The following UHMK1 variants were observed in gnomAD, a reference collection of about 807,000 sequenced individuals.
The protein encoded by UHMK1 is serine/threonine-protein kinase Kist.
Under a neutral mutation model 44.0 loss-of-function variants are expected in UHMK1, and 18 were observed. The observed-to-expected ratio is 0.41, with a 90% CI of 0.28 to 0.61. The LOEUF is 0.61. Ranked by LOEUF, UHMK1 falls within the 20% of genes least tolerant of loss-of-function variation. UHMK1 has a pLI of 0.31. For synonymous variants in UHMK1, 231 were observed against 198.5 expected (o/e 1.16, Z -1.38); for missense variants, 463 against 522.5 (o/e 0.89, Z 1.11).
intron 2 of UHMK1, 156 bp downstream of exon 2, chr1:162,500,403 G>C (rs745793738): frequency 9.7e-6 from 8 of 828,028 alleles, no homozygotes; most frequent in Non-Finnish European, 1.5e-5. Flanking sequence ...AAGAATTTCA[G>C]TGCCACCGTG....
At position 162,498,030 on chromosome 1, in the gene UHMK1, G is replaced by T. The variant is rs1165334350; in HGVS notation, c.30G>T (p.Ala10=). 6.3e-7 allele frequency: 1 copy of T among 1,596,412 alleles called. No homozygotes were observed. Among genetic ancestry groups the T allele is most frequent in the East Asian group, 2.3e-5 (1 of 44,128 alleles). Residue 10 remains alanine (A), a synonymous_variant, in exon 1 of 8, where the codon GCG becomes GCT. Coordinates refer to ENST00000489294, the MANE Select transcript of UHMK1 (RefSeq NM_175866.5). ...CGGGATCCGGCTGCGCCTGGGGCGC[G>T]GAGCCGCCGCGTTTTCTGGAGGCCT... The part of the protein sequence containing the change: MAGSGCAWG[A]EPPRFLEAFG...
At chr1:162,517,837 A>G (rs1271283142) in intron 6 of UHMK1, among the ~76,000 whole-genome samples, 1 of 151,992 alleles carries the variant, frequency 6.6e-6, no homozygotes, top group Non-Finnish European at 1.5e-5. Context: ...GTGTCACGCC[A>G]CTGCACTCCA....
intron 1 of UHMK1, 89 bp downstream of exon 1, chr1:162,498,357 C>G (rs891754773): frequency 1.4e-6 from 2 of 1,458,306 alleles, no homozygotes; most frequent in Non-Finnish European, 1.8e-6. Context: ...ATCTTCCTCC[C>G]CTTCTGCGGG....
chr1:162,500,807 C>A, intron 2 of UHMK1, 106 bp from the exon 3 acceptor site: 2 of 1,110,582 alleles, frequency 1.8e-6, no homozygotes, highest in Non-Finnish European at 2.5e-6. Flanking sequence ...TAGCATTTAG[C>A]TTGGCAGTGG....
Position 162,518,160 on chromosome 1 carries a change from T to G in UHMK1, c.1083T>G (p.Leu361=). The G allele has an allele frequency of 6.2e-7, 1 of 1,613,266 alleles. No individual in the cohort carries two copies. Among genetic ancestry groups the G allele is most frequent in the Non-Finnish European group, 8.5e-7 (1 of 1,179,350 alleles). Residue 361 remains leucine (L), a synonymous_variant, in exon 7 of 8, where the codon CTT becomes CTG. Transcript: ENST00000489294. ...AATATGGACCAGTGGTATCTCTACT[T>G]GTTCCAAAGGAAAATCCTGGCAGAG... is the stretch of plus-strand genomic sequence containing the variant. The part of the protein sequence containing the change: ...CQKYGPVVSL[L]VPKENPGRGQ...
intron 4 of UHMK1, among the ~76,000 whole-genome samples, chr1:162,511,359 A>C (rs1358403271): frequency 6.7e-6 from 1 of 150,066 alleles, no homozygotes; most frequent in Non-Finnish European, 1.5e-5. Context: ...TAGAGAGAGG[A>C]TCTTGCCATG....
chr1:162,521,615 G>A (rs1019148111), intron 7 of UHMK1, among the ~76,000 whole-genome samples: 11 of 152,052 alleles, frequency 7.2e-5, no homozygotes, highest in Non-Finnish European at 1.0e-4. Context: ...GTGCTATCAC[G>A]CCCAGTTAGA....
At chr1:162,505,910 A>T (rs1651452067) in intron 4 of UHMK1, among the ~76,000 whole-genome samples, 1 of 152,214 alleles carries the variant, frequency 6.6e-6, no homozygotes, top group Non-Finnish European at 1.5e-5. Context: ...GGTCCCTACC[A>T]TTTACCCAGT....
chr1:162,501,562 C>T (rs1651269667), intron 3 of UHMK1, among the ~76,000 whole-genome samples: 2 of 152,318 alleles, frequency 1.3e-5, no homozygotes, highest in African/African-American at 4.8e-5. Flanking sequence ...ACTACCAACT[C>T]CTATGGCTAT....
intron 3 of UHMK1, 59 bp from the exon 4 acceptor site, chr1:162,503,695 C>T (rs1223343015): frequency 1.3e-5 from 15 of 1,183,830 alleles, no homozygotes; most frequent in Middle Eastern, 1.9e-4. Flanking sequence ...TGCTATATGC[C>T]TAGTATTCAA....
At chr1:162,497,767 C>CA (rs1257306231), upstream of UHMK1, 7 of 1,223,524 alleles carry the variant, frequency 5.7e-6, no homozygotes, top group African/African-American at 9.3e-5. Flanking sequence ...CCCTTCTGAG[C>CA]CCCCCCTCCT....
chr1:162,512,426 T>G, intron 4 of UHMK1, 74 bp from the exon 5 acceptor site: 1 of 1,187,776 alleles, frequency 8.4e-7, no homozygotes, highest in Non-Finnish European at 1.2e-6. Flanking sequence ...CATTCAGACA[T>G]TCTTACTTTC....
In UHMK1 at chr1:162,502,441, A is replaced by G. The variant is rs370216420; in HGVS notation, c.754-1313A>G. Among the ~76,000 whole-genome samples the G allele has an allele frequency of 2.0e-5, 3 of 152,314 alleles. No homozygotes were observed. The East Asian group carries it at 5.8e-4, about 29-fold the overall frequency. On this transcript the variant is annotated intron_variant, in intron 3 of 7. Transcript: ENST00000489294. ...AAATTGCTTTCTTGGGAGTAAAATCAGTATCATTCTTTATTATTGATATCC... is the reference window on the plus strand; with the variant it reads ...AAATTGCTTTCTTGGGAGTAAAATCGGTATCATTCTTTATTATTGATATCC...
At chr1:162,500,892 A>G in intron 2 of UHMK1, 21 bp from the exon 3 acceptor site, 2 of 1,603,250 alleles carry the variant, frequency 1.2e-6, no homozygotes, top group Admixed American at 1.7e-5. Context: ...ATTGGTTGTA[A>G]TATTTACTCA....
chr1:162,512,432 C>T (rs1651698118), intron 4 of UHMK1, 68 bp from the exon 5 acceptor site: 1 of 1,281,928 alleles, frequency 7.8e-7, no homozygotes, highest in Non-Finnish European at 1.1e-6. Flanking sequence ...GACATTCTTA[C>T]TTTCTTTAAT....
chr1:162,510,382 A>G (rs1232417018), intron 4 of UHMK1, among the ~76,000 whole-genome samples: 1 of 152,114 alleles, frequency 6.6e-6, no homozygotes, highest in East Asian at 1.9e-4. Flanking sequence ...TCTCTCCTCT[A>G]ACGCCCCCAC....
At chr1:162,497,732 G>A (rs753384527), upstream of UHMK1, 35 of 1,144,106 alleles carry the variant, frequency 3.1e-5, no homozygotes, top group Non-Finnish European at 3.9e-5. Context: ...CAAACCTAGC[G>A]CGTCTAATCT....
chr1:162,503,756 A>G lies in UHMK1; in HGVS notation c.756A>G (p.Ala252=), dbSNP rs1329607444. ...AAAACTTTTCTCCGTTTTTTAAGGC[A>G]AACAGTTCTGCTATTATTGATCACA... ...KHTVRSQEWK[A]NSSAIIDHIF... Residue 252 remains alanine, a splice_region_variant and synonymous_variant, in exon 4 of 8, where the codon GCA becomes GCG. Coordinates refer to ENST00000489294, the MANE Select transcript of UHMK1 (RefSeq NM_175866.5). 5.0e-6 allele frequency: 8 copies of G among 1,613,686 alleles called. No individual in the cohort carries two copies. The East Asian group carries it at 1.8e-4, about 36-fold the overall frequency.
intron 6 of UHMK1, among the ~76,000 whole-genome samples, chr1:162,513,869 A>T (rs1651749920): frequency 6.6e-6 from 1 of 152,268 alleles, no homozygotes; most frequent in Non-Finnish European, 1.5e-5. Flanking sequence ...CGTCAGGTAT[A>T]GAATAATATC....
Sources: gnomAD v4.1 joint callset for allele counts (sites outside exome capture counted in the v4.1 genomes callset) on GRCh38, gnomAD v4.1.1 for gene constraint, MANE v1.5 for transcripts, NCBI Gene and HGNC (gene_info 2026-07-23, HGNC 2026-07-21) for gene names.